The following ENTREP2 variants were observed in gnomAD, a reference collection of about 807,000 sequenced individuals.
ENTREP2 encodes the protein protein ENTREP2.
At chr15:29,493,377 C>G in the ENTREP2 span, among the ~76,000 whole-genome samples, 10 of 151,546 alleles carry the variant, frequency 6.6e-5, no homozygotes, top group African/African-American at 2.4e-4. Context: ...TCGTGATCCG[C>G]CCGCCTCGGC....
At chr15:29,192,843 G>A in the ENTREP2 span, among the ~76,000 whole-genome samples, 2 of 152,098 alleles carry the variant, frequency 1.3e-5, no homozygotes, top group Non-Finnish European at 2.9e-5. Flanking sequence ...CCATTTGAGT[G>A]GACTGAAGAA....
the ENTREP2 span, among the ~76,000 whole-genome samples, chr15:29,300,783 A>C: frequency 6.6e-6 from 1 of 152,126 alleles, no homozygotes; most frequent in Non-Finnish European, 1.5e-5. Flanking sequence ...TATTTTTAGT[A>C]GAGACGGGGT....
chr15:29,538,247 TG>T, the ENTREP2 span, among the ~76,000 whole-genome samples: 1 of 152,054 alleles, frequency 6.6e-6, no homozygotes, highest in Non-Finnish European at 1.5e-5. Flanking sequence ...CACGGCCTTG[TG>T]TTTTGTCCCA....
chr15:29,157,378 G>A, the ENTREP2 span, among the ~76,000 whole-genome samples: 3 of 152,176 alleles, frequency 2.0e-5, no homozygotes, highest in African/African-American at 7.2e-5. Context: ...GCCTCCGCAG[G>A]CTCCCTACAG....
the ENTREP2 span, among the ~76,000 whole-genome samples, chr15:29,227,930 G>C: frequency 6.6e-6 from 1 of 152,086 alleles, no homozygotes; most frequent in African/African-American, 2.4e-5. Context: ...AAGTCAACAG[G>C]ATTGAGACTA....
chr15:29,174,901 C>T, the ENTREP2 span, among the ~76,000 whole-genome samples: 7 of 152,126 alleles, frequency 4.6e-5, no homozygotes, highest in Non-Finnish European at 8.8e-5. Context: ...ATATTCTGCT[C>T]AGAGTATAAG....
the ENTREP2 span, among the ~76,000 whole-genome samples, chr15:29,192,913 T>C: frequency 6.6e-6 from 1 of 152,172 alleles, no homozygotes; most frequent in African/African-American, 2.4e-5. Context: ...TCAACAGCCA[T>C]TCGTGGTATT....
chr15:29,280,939 A>G, the ENTREP2 span, among the ~76,000 whole-genome samples: 1 of 152,174 alleles, frequency 6.6e-6, no homozygotes, highest in African/African-American at 2.4e-5. Context: ...GAAAGCAAGT[A>G]TTAATGAATT....
At chr15:29,269,535 C>A in the ENTREP2 span, 3 of 1,514,308 alleles carry the variant, frequency 2.0e-6, no homozygotes, top group African/African-American at 1.5e-5. Context: ...GCGACCCCTG[C>A]GAGCCGCCCG....
the ENTREP2 span, among the ~76,000 whole-genome samples, chr15:29,198,178 T>C: frequency 6.6e-6 from 1 of 152,142 alleles, no homozygotes. Context: ...CAGGAGAATA[T>C]GGGTAGAGGT....
At chr15:29,477,238 G>C in the ENTREP2 span, among the ~76,000 whole-genome samples, 1 of 152,106 alleles carries the variant, frequency 6.6e-6, no homozygotes, top group African/African-American at 2.4e-5. Context: ...TCAGAAGAAA[G>C]GTTCACCTTT....
At chr15:29,556,562 GT>G in the ENTREP2 span, among the ~76,000 whole-genome samples, 1 of 152,192 alleles carries the variant, frequency 6.6e-6, no homozygotes. Flanking sequence ...TCAACAACCA[GT>G]TTTGCCAAGA....
At chr15:29,246,715 A>G in the ENTREP2 span, among the ~76,000 whole-genome samples, 5 of 151,998 alleles carry the variant, frequency 3.3e-5, no homozygotes, top group African/African-American at 1.2e-4. Flanking sequence ...AAAAAAAAAA[A>G]TTATTTGCAT....
At chr15:29,425,799 T>C in the ENTREP2 span, among the ~76,000 whole-genome samples, 1 of 152,134 alleles carries the variant, frequency 6.6e-6, no homozygotes, top group African/African-American at 2.4e-5. Flanking sequence ...ATCAATAGCA[T>C]AGATATCTAT....
chr15:29,580,856 T>C, the ENTREP2 span, among the ~76,000 whole-genome samples: 42 of 152,194 alleles, frequency 2.8e-4, no homozygotes, highest in Non-Finnish European at 5.1e-4. Context: ...ATAAAAGCTA[T>C]AGTAAATATT....
At chr15:29,395,369 C>G in the ENTREP2 span, among the ~76,000 whole-genome samples, 2 of 151,766 alleles carry the variant, frequency 1.3e-5, no homozygotes, top group African/African-American at 4.8e-5. Flanking sequence ...GGGTATGTAC[C>G]CAGAAGTGAA....
At chr15:29,234,035 C>T in the ENTREP2 span, 1 of 1,463,614 alleles carries the variant, frequency 6.8e-7, no homozygotes, top group Non-Finnish European at 9.6e-7. Context: ...GGGTCAAGAT[C>T]TTCCTCATCC....
the ENTREP2 span, among the ~76,000 whole-genome samples, chr15:29,438,978 C>T: frequency 6.6e-6 from 1 of 152,270 alleles, no homozygotes; most frequent in East Asian, 1.9e-4. Flanking sequence ...GCTCAGTATT[C>T]ACTAACTGAG....
the ENTREP2 span, chr15:29,376,547 G>T: frequency 8.4e-6 from 1 of 119,166 alleles, no homozygotes; most frequent in Non-Finnish European, 1.6e-5. Context: ...AAAACACTAT[G>T]GTAAACACAC....
Sources: allele counts gnomAD v4.1 joint callset (sites outside exome capture counted in the v4.1 genomes callset), GRCh38; gene constraint gnomAD v4.1.1; transcripts MANE v1.5; gene names NCBI Gene and HGNC (gene_info 2026-07-23, HGNC 2026-07-21).